The following GDPD4 variants were observed in gnomAD, a reference collection of about 807,000 sequenced individuals.
GDPD4 encodes glycerophosphodiester phosphodiesterase 6.
Under a neutral mutation model 67.8 loss-of-function variants are expected in GDPD4, and 60 were observed. The ratio of observed to expected loss-of-function variants is 0.88; its 90% CI spans 0.72 to 1.10. GDPD4 has a LOEUF of 1.10. Ranked by LOEUF, GDPD4 falls within the 50% of genes least tolerant of loss-of-function variation. The probability of loss-of-function intolerance (pLI) is 0.00; values close to 1 mark genes in which losing one functional copy is unlikely to be tolerated. For synonymous variants in GDPD4, 212 were observed against 210.9 expected (o/e 1.00, Z -0.04); for missense variants, 623 against 613.9 (o/e 1.01, Z -0.16).
intron 10 of GDPD4, among the ~76,000 whole-genome samples, chr11:77,265,993 T>C (rs1373782404): frequency 1.3e-5 from 2 of 152,186 alleles, no homozygotes; most frequent in Non-Finnish European, 2.9e-5. Flanking sequence ...CAATAGTTCA[T>C]TCATTTTTAT....
rs542386612 is a variant in GDPD4 at position 77,249,035 on chromosome 11, G to A, written c.865-3533C>T. Among the ~76,000 whole-genome samples, 10 of 151,772 alleles carry A rather than the reference G, an allele frequency of 6.6e-5. No homozygotes were observed. The South Asian group carries it at 2.1e-3, about 32-fold the overall frequency. On this transcript the variant is annotated intron_variant, in intron 11 of 16. Transcript: ENST00000315938. ...TAATCCCAGCACTTTGGGAGGCCAA[G>A]GCTGGCAGATCACAAGGTCAAGAGA...
intron 13 of GDPD4, among the ~76,000 whole-genome samples, chr11:77,235,007 C>CTTTT (rs1406558580): frequency 6.1e-5 from 2 of 32,944 alleles, no homozygotes; most frequent in African/African-American, 9.2e-5. Flanking sequence ...TTGTCAATAT[C>CTTTT]TGTTTTTTTT....
chr11:77,221,975 A>G (rs1265038354), intron 16 of GDPD4, among the ~76,000 whole-genome samples: 9 of 152,156 alleles, frequency 5.9e-5, no homozygotes, highest in Non-Finnish European at 1.3e-4. Context: ...TCCCTTTACC[A>G]TTATGTAATG....
chr11:77,292,570 AAC>A (rs1937815262), intron 1 of GDPD4, among the ~76,000 whole-genome samples: 1 of 152,218 alleles, frequency 6.6e-6, no homozygotes, highest in African/African-American at 2.4e-5. Context: ...GAGCAAATTA[AAC>A]ACAAAGTTAA....
chr11:77,217,379 G>A (rs1022465595), intron 16 of GDPD4, 65 bp from the exon 17 acceptor site: 6 of 1,278,882 alleles, frequency 4.7e-6, no homozygotes, highest in Non-Finnish European at 6.9e-6. Context: ...AGTCATGTGT[G>A]AAATTCAAGT....
intron 3 of GDPD4, among the ~76,000 whole-genome samples, chr11:77,280,119 G>A (rs1565540528): frequency 6.6e-6 from 1 of 152,136 alleles, no homozygotes; most frequent in Non-Finnish European, 1.5e-5. Context: ...CAGGCAAAGA[G>A]CCTTAACTAG....
chr11:77,276,023 T>TA, intron 5 of GDPD4, 138 bp downstream of exon 5: 1 of 640,534 alleles, frequency 1.6e-6, no homozygotes, highest in Non-Finnish European at 2.8e-6. Flanking sequence ...ATGGTGTAAG[T>TA]AAATCTCTTC....
chr11:77,242,804 A>T (rs1341418337), intron 13 of GDPD4, among the ~76,000 whole-genome samples: 1 of 152,126 alleles, frequency 6.6e-6, no homozygotes, highest in East Asian at 1.9e-4. Flanking sequence ...TCCAACGCTA[A>T]AAGAAAAAAA....
chr11:77,279,543 G>C, intron 3 of GDPD4, 144 bp from the exon 4 acceptor site: 1 of 379,410 alleles, frequency 2.6e-6, no homozygotes, highest in Non-Finnish European at 5.5e-6. Flanking sequence ...CAGCTTTTGC[G>C]GATAATTATA....
At chr11:77,289,626 G>A (rs190420684) in intron 1 of GDPD4, among the ~76,000 whole-genome samples, 282 of 151,288 alleles carry the variant, frequency 1.9e-3, no homozygotes, top group Non-Finnish European at 3.3e-3. Context: ...AGTTACTTGC[G>A]AGGCTGAGGC....
chr11:77,259,872 C>A (rs1369282403), intron 10 of GDPD4, among the ~76,000 whole-genome samples: 2 of 152,156 alleles, frequency 1.3e-5, no homozygotes, highest in Non-Finnish European at 2.9e-5. Flanking sequence ...TTGGCAAGAA[C>A]AACTTCTAAG....
At chr11:77,259,206 C>T (rs1165488282) in intron 10 of GDPD4, among the ~76,000 whole-genome samples, 1 of 152,094 alleles carries the variant, frequency 6.6e-6, no homozygotes, top group Non-Finnish European at 1.5e-5. Flanking sequence ...TCTCGAACTC[C>T]TGGCCTCAAG....
chr11:77,245,554 C>T, intron 11 of GDPD4, 52 bp from the exon 12 acceptor site: 1 of 1,278,670 alleles, frequency 7.8e-7, no homozygotes. Context: ...AGTTCTCCTA[C>T]TATGTAGCCA....
chr11:77,287,231 C>G lies in GDPD4; in HGVS notation c.-64G>C, dbSNP rs1960031643. On this transcript the variant is annotated 5_prime_UTR_variant, in exon 2 of 17. Transcript: ENST00000315938. ...ATCAGTCTGTACCCAAGTGCAGCAA[C>G]AAAATCCAACTTTAGTTTTTTCCCA... The G allele has an allele frequency of 6.6e-6, 1 of 152,224 alleles. No individual in the cohort carries two copies. Among genetic ancestry groups the G allele is most frequent in the Non-Finnish European group, 1.5e-5 (1 of 68,038 alleles). The allele number at this position is 152,224 out of a possible 1,614,324, so 9.4% of individuals were successfully genotyped here.
intron 13 of GDPD4, among the ~76,000 whole-genome samples, chr11:77,236,156 T>C (rs1330482563): frequency 1.3e-5 from 2 of 152,168 alleles, no homozygotes; most frequent in Admixed American, 6.5e-5. Context: ...AAATTTTTTT[T>C]TCAGGTTCAC....
In GDPD4 at chr11:77,238,572, G is replaced by A. The variant is rs374524977; in HGVS notation, c.1241+5122C>T. On this transcript the variant is annotated intron_variant, in intron 13 of 16. Coordinates refer to ENST00000315938, the MANE Select transcript of GDPD4 (RefSeq NM_182833.3). Reference sequence around the variant, plus strand: ...GCACTCCAGCCTGGGCAACAAGAGCGAAACTCCGTCTCAAAAAAAAAAAAA... The same window carrying A: ...GCACTCCAGCCTGGGCAACAAGAGCAAAACTCCGTCTCAAAAAAAAAAAAA... Among the ~76,000 whole-genome samples the A allele has an allele frequency of 2.1e-4, 28 of 130,952 alleles. No homozygotes were observed. In the South Asian group the frequency reaches 4.6e-3, roughly 21 times the overall value. The allele number at this position is 130,952 out of a possible 152,430, so 85.9% of individuals were successfully genotyped here.
At chr11:77,221,140 CTAT>C (rs922100849) in intron 16 of GDPD4, among the ~76,000 whole-genome samples, 5 of 151,814 alleles carry the variant, frequency 3.3e-5, no homozygotes, top group African/African-American at 1.2e-4. Flanking sequence ...TGATTCTTCT[CTAT>C]TATTCTTGCT....
chr11:77,285,132 C>T lies in GDPD4; in HGVS notation c.6G>A (p.Leu2=), dbSNP rs1288220206. Residue 2 remains leucine (L), a synonymous_variant, in exon 3 of 17, where the codon TTG becomes TTA. Transcript: ENST00000315938. ...TGGATGTTTCTATCCACAGGAACAGCAACATCAGAGACAAGACAAATGAAA... is the reference window on the plus strand; with the variant it reads ...TGGATGTTTCTATCCACAGGAACAGTAACATCAGAGACAAGACAAATGAAA... M[L]LFLWIETSSE... is the part of the protein sequence containing the mutation. 1.2e-6 allele frequency: 2 copies of T among 1,611,092 alleles called. No individual in the cohort carries two copies. Among genetic ancestry groups the T allele is most frequent in the Non-Finnish European group, 8.5e-7 (1 of 1,177,520 alleles).
intron 16 of GDPD4, among the ~76,000 whole-genome samples, chr11:77,219,998 T>C (rs574637817): frequency 2.1e-4 from 32 of 152,064 alleles, no homozygotes; most frequent in Non-Finnish European, 3.7e-4. Context: ...TATCCTGAGA[T>C]TTTGCTGAAG....
Sources: gnomAD v4.1 joint callset for allele counts (sites outside exome capture counted in the v4.1 genomes callset) on GRCh38, gnomAD v4.1.1 for gene constraint, MANE v1.5 for transcripts, NCBI Gene and HGNC (gene_info 2026-07-23, HGNC 2026-07-21) for gene names.